Variants in RASAL2 observed in about 807,000 individuals in gnomAD.
RASAL2 encodes RAS protein activator like 2, also known as ras GTPase-activating protein nGAP.
A neutral mutation model predicts 128.9 loss-of-function variants in RASAL2; 58 were observed. The ratio of observed to expected loss-of-function variants is 0.45; its 90% CI spans 0.36 to 0.56. The LOEUF is 0.56. Ranked by LOEUF, RASAL2 falls within the 20% of genes least tolerant of loss-of-function variation. The probability of loss-of-function intolerance (pLI) is 0.00; values close to 1 mark genes in which losing one functional copy is unlikely to be tolerated. For missense variants in RASAL2, 1,360 were observed against 1,601.6 expected (o/e 0.85, Z 2.57); for synonymous variants, 561 against 580.8 (o/e 0.97, Z 0.49).
At chr1:178,237,439 A>G (rs1014610804) in intron 1 of RASAL2, among the ~76,000 whole-genome samples, 1 of 152,150 alleles carries the variant, frequency 6.6e-6, no homozygotes, top group African/African-American at 2.4e-5. Context: ...CAGGCTAGGG[A>G]TATAGTGGGA....
At chr1:178,124,892 G>A (rs316263) in intron 1 of RASAL2, among the ~76,000 whole-genome samples, 152,079 of 152,318 alleles carry the variant, frequency 1, 75,920 homozygotes, top group Middle Eastern at 1. Flanking sequence ...AAATGCCGCA[G>A]TATTTCAGTG....
chr1:178,456,663 T>C (rs1043762544), intron 12 of RASAL2, 58 bp from the exon 13 acceptor site: 3 of 1,583,410 alleles, frequency 1.9e-6, no homozygotes, highest in Admixed American at 3.3e-5. Flanking sequence ...CCAAAAACAA[T>C]CTGTGGTGGA....
At position 178,288,647 on chromosome 1, in the gene RASAL2, T is replaced by C. The variant is rs939462101; in HGVS notation, c.330+4956T>C. On this transcript the variant is annotated intron_variant, in intron 2 of 17. Coordinates refer to ENST00000367649, the MANE Select transcript of RASAL2 (RefSeq NM_170692.4). The stretch of plus-strand genomic sequence containing the variant: ...GCATGCTATTCTTTCTCTCTCTTTT[T>C]TTTTTTTTTTTTTTTTTTTTTGAGA... 1.0e-2 allele frequency among the ~76,000 whole-genome samples: 1,284 copies of C among 128,888 alleles called. 30 individuals are homozygous for C. The highest frequency in any genetic ancestry group is 0.036 in the African/African-American group (1,189 of 32,862). 84.6% of individuals were successfully genotyped at this position (128,888 alleles called of 152,430 possible). A position where few individuals can be genotyped will look rare whatever the true frequency, so the allele number is the denominator to read the frequency against.
At chr1:178,466,166 A>G in intron 16 of RASAL2, 44 bp downstream of exon 16, 1 of 1,498,234 alleles carries the variant, frequency 6.7e-7, no homozygotes, top group Non-Finnish European at 8.9e-7. Context: ...TTAGCAAGAC[A>G]AAGAATTGAG....
At chr1:178,101,997 A>C (rs1490640729) in intron 1 of RASAL2, among the ~76,000 whole-genome samples, 1 of 151,490 alleles carries the variant, frequency 6.6e-6, no homozygotes, top group Admixed American at 6.6e-5. Context: ...AGTAATCCTT[A>C]AGAGATAGAC....
intron 1 of RASAL2, among the ~76,000 whole-genome samples, chr1:178,114,221 A>G (rs1230548132): frequency 6.6e-6 from 1 of 152,160 alleles, no homozygotes; most frequent in Non-Finnish European, 1.5e-5. Flanking sequence ...TATAATGTTT[A>G]ATGAAGTGGT....
intron 2 of RASAL2, among the ~76,000 whole-genome samples, chr1:178,298,073 A>G (rs548366950): frequency 6.6e-6 from 1 of 152,324 alleles, no homozygotes; most frequent in African/African-American, 2.4e-5. Flanking sequence ...TCAAAGAACC[A>G]GACTATTTTT....
chr1:178,464,516 T>A (rs1647437778), intron 15 of RASAL2, 104 bp downstream of exon 15: 4 of 1,342,380 alleles, frequency 3.0e-6, no homozygotes, highest in Admixed American at 2.0e-5. Flanking sequence ...CATCTTCACC[T>A]CTACCCCTTA....
intron 3 of RASAL2, among the ~76,000 whole-genome samples, chr1:178,353,935 C>T (rs1227391473): frequency 6.6e-6 from 1 of 151,858 alleles, no homozygotes; most frequent in Non-Finnish European, 1.5e-5. Context: ...TGTGCCACTG[C>T]ACTCCAGCTT....
intron 4 of RASAL2, among the ~76,000 whole-genome samples, chr1:178,408,741 G>A (rs963833832): frequency 1.3e-5 from 2 of 151,822 alleles, no homozygotes; most frequent in African/African-American, 4.8e-5. Flanking sequence ...ATACATATGG[G>A]GAAAATAAGT....
At chr1:178,266,253 T>C (rs1238527709) in intron 1 of RASAL2, among the ~76,000 whole-genome samples, 3 of 152,226 alleles carry the variant, frequency 2.0e-5, no homozygotes, top group African/African-American at 7.2e-5. Flanking sequence ...TAGTATCTTT[T>C]TCATTTTAGC....
At position 178,234,642 on chromosome 1, in the gene RASAL2, A is replaced by G. The variant is rs540002188; in HGVS notation, c.203-48922A>G. On this transcript the variant is annotated intron_variant, in intron 1 of 17. Transcript: ENST00000367649. ...CCTTATCTGGTGAACAATTTTGGTT[A>G]TGACTTGGGGCCTATGTTTTTTAAA... 6.6e-5 allele frequency among the ~76,000 whole-genome samples: 10 copies of G among 152,242 alleles called. No homozygotes were observed. In the East Asian group the frequency reaches 1.7e-3, roughly 26 times the overall value.
At chr1:178,361,281 A>ATT in intron 3 of RASAL2, among the ~76,000 whole-genome samples, 1 of 151,570 alleles carries the variant, frequency 6.6e-6, no homozygotes, top group Non-Finnish European at 1.5e-5. Flanking sequence ...TGATTGTGGT[A>ATT]TTTTTTTTTC....
At chr1:178,296,602 A>T (rs759779686) in intron 2 of RASAL2, among the ~76,000 whole-genome samples, 1 of 149,988 alleles carries the variant, frequency 6.7e-6, no homozygotes, top group African/African-American at 2.5e-5. Context: ...GCCTCAAGAG[A>T]TTCTCCCACC....
intron 3 of RASAL2, among the ~76,000 whole-genome samples, chr1:178,339,832 A>T (rs995734403): frequency 1.3e-5 from 2 of 152,208 alleles, no homozygotes; most frequent in Non-Finnish European, 2.9e-5. Context: ...CTGTGTTTGT[A>T]AGTCAAAAAA....
chr1:178,214,560 ATT>A (rs750648998), intron 1 of RASAL2, among the ~76,000 whole-genome samples: 17 of 141,216 alleles, frequency 1.2e-4, no homozygotes, highest in Admixed American at 2.1e-4. Flanking sequence ...TGGACTATGT[ATT>A]TTTTTTTTTT....
At chr1:178,356,566 T>G (rs1173612253) in intron 3 of RASAL2, among the ~76,000 whole-genome samples, 1 of 152,140 alleles carries the variant, frequency 6.6e-6, no homozygotes, top group African/African-American at 2.4e-5. Flanking sequence ...TAATATTTAG[T>G]AAATCAAACT....
intron 3 of RASAL2, among the ~76,000 whole-genome samples, chr1:178,319,186 T>C (rs948524474): frequency 1.3e-5 from 2 of 152,162 alleles, no homozygotes; most frequent in Non-Finnish European, 2.9e-5. Flanking sequence ...TGGGCTTCCC[T>C]TTGAGGGTAA....
intron 1 of RASAL2, among the ~76,000 whole-genome samples, chr1:178,257,425 G>A (rs1239695527): frequency 1.6e-5 from 2 of 128,764 alleles, no homozygotes; most frequent in African/African-American, 7.3e-5. Flanking sequence ...TCAGGGATAT[G>A]TGTGTGTGTG....
Sources: allele counts gnomAD v4.1 joint callset (sites outside exome capture counted in the v4.1 genomes callset), GRCh38; gene constraint gnomAD v4.1.1; transcripts MANE v1.5; gene names NCBI Gene and HGNC (gene_info 2026-07-23, HGNC 2026-07-21).